The following KLF2 variants were observed in gnomAD, a reference collection of about 807,000 sequenced individuals.
KLF2 encodes the protein KLF transcription factor 2.
Under a neutral mutation model 22.2 loss-of-function variants are expected in KLF2, and 9 were observed. The ratio of observed to expected loss-of-function variants is 0.40; its 90% CI spans 0.24 to 0.71. The LOEUF (loss-of-function observed/expected upper bound fraction) is 0.71, where lower values mean the gene tolerates loss of function less well. Among genes scored for constraint, KLF2 ranks in the 30% least tolerant of loss-of-function variants. The pLI is 0.35. For synonymous variants in KLF2, 299 were observed against 264.2 expected, an observed-to-expected ratio of 1.13 and a Z score of -1.28; for missense variants, 481 against 542.1, an observed-to-expected ratio of 0.89 and a Z score of 1.12.
At position 16,325,542 on chromosome 19, in the gene KLF2, C is replaced by T. The variant is rs1285773736; in HGVS notation, c.402C>T (p.Tyr134=). The T allele has an allele frequency of 2.4e-6, 3 of 1,253,106 alleles. No individual in the cohort carries two copies. Among genetic ancestry groups the T allele is most frequent in the Admixed American group, 4.5e-5 (1 of 22,274 alleles). The allele number at this position is 1,253,106 out of a possible 1,614,324, so 77.6% of individuals were successfully genotyped here. Reference sequence around the variant, plus strand: ...CTGAAGCGGACGGCGGCGGCGGCTACGGCTGCGCCCCCGGGCTGACCCGTG... The same window carrying T: ...CTGAAGCGGACGGCGGCGGCGGCTATGGCTGCGCCCCCGGGCTGACCCGTG... ...EPPEADGGGG[Y]GCAPGLTRGP... The change falls in exon 2 of 3, where the codon TAC becomes TAT. Residue 134 remains tyrosine (Y), a synonymous_variant. Coordinates refer to ENST00000248071, the MANE Select transcript of KLF2 (RefSeq NM_016270.4).
chr19:16,325,455 G>A lies in KLF2; in HGVS notation c.315G>A (p.Gly105=), dbSNP rs545243384. ...LLRPELDAPL[G]PALHGRFLLA... is the part of the protein sequence containing the mutation. ...GACCCGAGCTGGATGCGCCGCTGGGGCCCGCACTGCACGGCCGCTTTCTGC... is the reference window on the plus strand; with the variant it reads ...GACCCGAGCTGGATGCGCCGCTGGGACCCGCACTGCACGGCCGCTTTCTGC... Residue 105 remains glycine, a synonymous_variant, in exon 2 of 3, where the codon GGG becomes GGA. Transcript: ENST00000248071. The A allele has an allele frequency of 1.3e-5, 18 of 1,406,218 alleles. No individual in the cohort carries two copies. The African/African-American group carries it at 1.5e-4, about 12-fold the overall frequency. 87.1% of individuals were successfully genotyped at this position (1,406,218 alleles called of 1,614,324 possible).
At position 16,328,327 on chromosome 19, in the gene KLF2, CAG is replaced by C. The variant is rs954463185; in HGVS notation, c.*1299_*1300del. Reference sequence around the variant, plus strand: ...CCAGTCTGGAAACCCACCTGGAGAGCAGAGGAGACCCCTAAATCCCACCACCC... The same window carrying C: ...CCAGTCTGGAAACCCACCTGGAGAGCAGGAGACCCCTAAATCCCACCACCC... On this transcript the variant is annotated 3_prime_UTR_variant, in exon 3 of 3. Transcript: ENST00000248071. Among the ~76,000 whole-genome samples the C allele has an allele frequency of 1.3e-4, 20 of 152,094 alleles. No individual in the cohort carries two copies. The highest frequency in any genetic ancestry group is 2.5e-4 in the Non-Finnish European group (17 of 67,998).
chr19:16,325,486 C>A lies in KLF2; in HGVS notation c.346C>A (p.Pro116Thr). The change falls in exon 2 of 3, where the codon CCG becomes ACG. Residue 116 changes from proline to threonine, a missense_variant. Pro to Thr is a conservative substitution (Grantham distance 38). Transcript: ENST00000248071. Reference sequence around the variant, plus strand: ...ACTGCACGGCCGCTTTCTGCTGGCGCCGCCCGGCCGCCTGGTCAAGGCCGA... The same window carrying A: ...ACTGCACGGCCGCTTTCTGCTGGCGACGCCCGGCCGCCTGGTCAAGGCCGA... ...PALHGRFLLA[P>T]PGRLVKAEPP... is the part of the protein sequence containing the mutation. 8 of 1,356,174 alleles carry A rather than the reference C, an allele frequency of 5.9e-6. No homozygotes were observed. The highest frequency in any genetic ancestry group is 7.6e-6 in the Non-Finnish European group (8 of 1,058,710). 84.0% of individuals were successfully genotyped at this position (1,356,174 alleles called of 1,614,324 possible). A position where few individuals can be genotyped will look rare whatever the true frequency, so the allele number is the denominator to read the frequency against.
Position 16,325,641 on chromosome 19 carries a change from C to G in KLF2, c.501C>G (p.Pro167=), listed in dbSNP as rs905213225. The G allele has an allele frequency of 5.6e-6, 6 of 1,067,706 alleles. No homozygotes were observed. The highest frequency in any genetic ancestry group is 3.4e-5 in the African/African-American group (2 of 58,402). The allele number at this position is 1,067,706 out of a possible 1,614,324, so 66.1% of individuals were successfully genotyped here. ...GCATGCGAGGTCCCGGGGGCCGCCC[C>G]CCGCCGCCGCCCGACACACCGCCGC... The part of the protein sequence containing the change: ...ASCMRGPGGR[P]PPPPDTPPLS... The change falls in exon 2 of 3, where the codon CCC becomes CCG. Residue 167 remains proline, a synonymous_variant. Coordinates refer to ENST00000248071, the MANE Select transcript of KLF2 (RefSeq NM_016270.4).
At position 16,328,261 on chromosome 19, in the gene KLF2, T is replaced by G. The variant is rs1230336361; in HGVS notation, c.*1230T>G. On this transcript the variant is annotated 3_prime_UTR_variant, in exon 3 of 3. Transcript: ENST00000248071. ...AGGAGAGCCTCCTCCCCTGTAGGTC[T>G]CCTGGTGCAAAAAATTCACTGCCTC... Among the ~76,000 whole-genome samples the G allele has an allele frequency of 1.3e-5, 2 of 151,998 alleles. No homozygotes were observed. The highest frequency in any genetic ancestry group is 4.8e-5 in the African/African-American group (2 of 41,398).
rs2091896005 is a variant in KLF2 at position 16,328,242 on chromosome 19, G to A, written c.*1211G>A. Among the ~76,000 whole-genome samples the A allele has an allele frequency of 1.3e-5, 2 of 152,084 alleles. No individual in the cohort carries two copies. Among genetic ancestry groups the A allele is most frequent in the South Asian group, 4.1e-4 (2 of 4,828 alleles). Reference sequence around the variant, plus strand: ...TTGTGTGCATTGGAAGGCTAGGAGAGCCTCCTCCCCTGTAGGTCTCCTGGT... The same window carrying A: ...TTGTGTGCATTGGAAGGCTAGGAGAACCTCCTCCCCTGTAGGTCTCCTGGT... On this transcript the variant is annotated 3_prime_UTR_variant, in exon 3 of 3. Transcript: ENST00000248071.
chr19:16,325,616 G>A lies in KLF2; in HGVS notation c.476G>A (p.Cys159Tyr). Residue 159 changes from cysteine to tyrosine, a missense_variant, in exon 2 of 3, where the codon TGC becomes TAC. Transcript: ENST00000248071. ...REGAPGPAASCMRGPGGRPPP... is the reference protein window; with the variant it reads ...REGAPGPAASYMRGPGGRPPP... ...GGCGCCCCGGGCCCGGCGGCTTCGT[G>A]CATGCGAGGTCCCGGGGGCCGCCCC... 9.0e-7 allele frequency: 1 copy of A among 1,115,936 alleles called. No homozygotes were observed. The allele number at this position is 1,115,936 out of a possible 1,614,324, so 69.1% of individuals were successfully genotyped here. A position where few individuals can be genotyped will look rare whatever the true frequency, so the allele number is the denominator to read the frequency against.
intron 1 of KLF2, 59 bp downstream of exon 1, chr19:16,325,057 A>G (rs2091883880): frequency 1.4e-6 from 2 of 1,432,714 alleles, no homozygotes; most frequent in Admixed American, 4.3e-5. Flanking sequence ...TCGGGGTAGT[A>G]GAACGTGGGC....
chr19:16,325,083 C>CGGG lies in KLF2; in HGVS notation c.75+86_75+87insGGG, dbSNP rs1202679325. ...GAACGTGGGCTGCGGGGTGACAGGACGCGAAGGCGGGGACTGCAGACTCAG... is the reference window on the plus strand; with the variant it reads ...GAACGTGGGCTGCGGGGTGACAGGACGGGGCGAAGGCGGGGACTGCAGACTCAG... On this transcript the variant is annotated intron_variant, in intron 1 of 2. Transcript: ENST00000248071. 5.8e-6 allele frequency: 8 copies of CGGG among 1,372,436 alleles called. No homozygotes were observed. In the African/African-American group the frequency reaches 1.2e-4, roughly 20 times the overall value. 85.0% of individuals were successfully genotyped at this position (1,372,436 alleles called of 1,614,324 possible).
In KLF2 at chr19:16,325,670, GC is replaced by G; in HGVS notation, c.534del (p.Asp179ThrfsTer111). 1 of 1,083,608 alleles carries G rather than the reference GC, an allele frequency of 9.2e-7. No individual in the cohort carries two copies. The highest frequency in any genetic ancestry group is 4.1e-5 in the South Asian group (1 of 24,170). 67.1% of individuals were successfully genotyped at this position (1,083,608 alleles called of 1,614,324 possible). A position where few individuals can be genotyped will look rare whatever the true frequency, so the allele number is the denominator to read the frequency against. ...CCGCCGCCCGACACACCGCCGCTCA[GC>G]CCCGACGGCCCCGCGCGCCTGCCCG... ...PPPPPDTPPL[S>X]PDGPARLPAP... On this transcript the variant is annotated frameshift_variant, in exon 2 of 3. Transcript: ENST00000248071. LOFTEE classifies it high-confidence loss of function.
Position 16,324,826 on chromosome 19 carries a change from A to C in KLF2, c.-98A>C. ...GCTTGGGCGGGCCCGGCCGCGGCCC[A>C]CAGAGCCGTCCCCGCCCGCCCGCGC... On this transcript the variant is annotated 5_prime_UTR_variant, in exon 1 of 3. Transcript: ENST00000248071. 3 of 1,035,436 alleles carry C rather than the reference A, an allele frequency of 2.9e-6. No homozygotes were observed. The highest frequency in any genetic ancestry group is 3.1e-5 in the South Asian group (2 of 63,982). The allele number at this position is 1,035,436 out of a possible 1,614,324, so 64.1% of individuals were successfully genotyped here.
At chr19:16,326,142 CAG>C (rs1279546357) in intron 2 of KLF2, 110 bp downstream of exon 2, 8 of 1,106,628 alleles carry the variant, frequency 7.2e-6, no homozygotes, top group South Asian at 1.6e-5. Context: ...GGGCGTGGCT[CAG>C]GGGGATCTGG....
chr19:16,327,018 A>G lies in KLF2; in HGVS notation c.1055A>G (p.Lys352Arg). The change falls in exon 3 of 3, where the codon AAA becomes AGA. Residue 352 changes from lysine to arginine, a missense_variant. This residue lies in a region of KLF2 where 60 missense variants were observed against 107.0 expected (regional missense o/e 0.56). Transcript: ENST00000248071. ...TCCGATCACCTGGCGCTGCACATGA[A>G]ACGGCACATGTAGCCGGGACGCCCC... ...SRSDHLALHM[K>R]RHM 6.2e-7 allele frequency: 1 copy of G among 1,603,546 alleles called. No homozygotes were observed. Among genetic ancestry groups the G allele is most frequent in the Non-Finnish European group, 8.5e-7 (1 of 1,175,174 alleles).
At chr19:16,326,335 G>A (rs940011393) in intron 2 of KLF2, among the ~76,000 whole-genome samples, 2 of 151,976 alleles carry the variant, frequency 1.3e-5, no homozygotes, top group South Asian at 2.1e-4. Flanking sequence ...TGGAGGCGTG[G>A]CTAGGGAGAC....
chr19:16,325,234 C>T lies in KLF2; in HGVS notation c.94C>T (p.Pro32Ser), dbSNP rs1340749211. 2 of 1,535,156 alleles carry T rather than the reference C, an allele frequency of 1.3e-6. No individual in the cohort carries two copies. The highest frequency in any genetic ancestry group is 2.0e-5 in the Admixed American group (1 of 50,264). ...CCCGCAGCGCTGGCCGCGCGCCGAA[C>T]CCGAGTCCGGCGGCACCGACGACGA... ...GLQERWPRAE[P>S]ESGGTDDDLN... is the part of the protein sequence containing the mutation. The change falls in exon 2 of 3, where the codon CCC (proline) becomes TCC (serine). Residue 32 changes from proline (P) to serine (S), a missense_variant. By Grantham distance (74) the Pro-to-Ser change is moderately conservative (BLOSUM62 -1). Transcript: ENST00000248071.
In KLF2 at chr19:16,327,617, G is replaced by GC. The variant is rs35663614; in HGVS notation, c.*590dup. The GC allele has an allele frequency of 0.61, 92,544 of 151,670 alleles. 28,541 individuals carry two copies. The highest frequency in any genetic ancestry group is 0.72 in the Middle Eastern group (209 of 290). The allele number at this position is 151,670 out of a possible 1,614,324, so 9.4% of individuals were successfully genotyped here. The stretch of plus-strand genomic sequence containing the variant: ...GGAGCGGAGAGTTTGATGGAGGGCA[G>GC]CCCCACTAAAGCATCGTGTGCAGTG... On this transcript the variant is annotated 3_prime_UTR_variant, in exon 3 of 3. Transcript: ENST00000248071.
chr19:16,325,227 C>A lies in KLF2; in HGVS notation c.87C>A (p.Arg29=). The change falls in exon 2 of 3, where the codon CGC becomes CGA. Residue 29 remains arginine (R), a synonymous_variant. Transcript: ENST00000248071. Reference sequence around the variant, plus strand: ...CCTGTCGCCCGCAGCGCTGGCCGCGCGCCGAACCCGAGTCCGGCGGCACCG... The same window carrying A: ...CCTGTCGCCCGCAGCGCTGGCCGCGAGCCGAACCCGAGTCCGGCGGCACCG... The part of the protein sequence containing the change: ...RERGLQERWP[R]AEPESGGTDD... 6.5e-7 allele frequency: 1 copy of A among 1,530,320 alleles called. No homozygotes were observed. The allele number at this position is 1,530,320 out of a possible 1,614,324, so 94.8% of individuals were successfully genotyped here. A position where few individuals can be genotyped will look rare whatever the true frequency, so the allele number is the denominator to read the frequency against.
chr19:16,326,113 G>A, intron 2 of KLF2, 81 bp downstream of exon 2: 1 of 1,377,702 alleles, frequency 7.3e-7, no homozygotes. Context: ...GCCAGAAAAT[G>A]AATTTAGGAC....
At position 16,325,819 on chromosome 19, in the gene KLF2, G is replaced by T; in HGVS notation, c.679G>T (p.Ala227Ser). Residue 227 changes from alanine (A) to serine (S), a missense_variant, in exon 2 of 3, where the codon GCC (alanine) becomes TCC (serine). By Grantham distance (99) the Ala-to-Ser change is moderately conservative. Around this residue, in one of 2 missense-constraint regions of KLF2, gnomAD observed 421 missense variants for 435.1 expected, o/e 0.97. Transcript: ENST00000248071. ...CTTCGGTCTCTTCGACGACGCGGCC[G>T]CCGCCGCGGCAGCCCTGGGCCTGGC... ...PAFGLFDDAA[A>S]AAAALGLAPP... 2 of 1,352,268 alleles carry T rather than the reference G, an allele frequency of 1.5e-6. No individual in the cohort carries two copies. Among genetic ancestry groups the T allele is most frequent in the Non-Finnish European group, 1.9e-6 (2 of 1,060,540 alleles). 83.8% of individuals were successfully genotyped at this position (1,352,268 alleles called of 1,614,324 possible).
Sources: gnomAD v4.1 joint callset for allele counts (sites outside exome capture counted in the v4.1 genomes callset) on GRCh38, gnomAD v4.1.1 for gene constraint, gnomAD v4.1.1 regional missense constraint, MANE v1.5 for transcripts, NCBI Gene and HGNC (gene_info 2026-07-23, HGNC 2026-07-21) for gene names.